The following CDH23 variants were observed in gnomAD, a reference collection of about 807,000 sequenced individuals.
CDH23 encodes cadherin-23.
Under a neutral mutation model 317.1 loss-of-function variants are expected in CDH23, and 189 were observed. The ratio of observed to expected loss-of-function variants is 0.60; its 90% CI spans 0.53 to 0.67. The LOEUF (loss-of-function observed/expected upper bound fraction) is 0.67. Ranked by LOEUF, CDH23 falls within the 30% of genes least tolerant of loss-of-function variation. CDH23 has a pLI of 0.00. For missense variants in CDH23, 4,401 were observed against 4,592.4 expected, an observed-to-expected ratio of 0.96 and a Z score of 1.20; for synonymous variants, 1,839 against 1,876.8, an observed-to-expected ratio of 0.98 and a Z score of 0.52.
intron 11 of CDH23, among the ~76,000 whole-genome samples, chr10:71,628,310 G>A (rs1440613634): frequency 1.3e-5 from 2 of 152,188 alleles, no homozygotes; most frequent in African/African-American, 4.8e-5. Flanking sequence ...TCCCCCGAAA[G>A]GGGAGAATAG....
intron 38 of CDH23, among the ~76,000 whole-genome samples, chr10:71,768,425 C>T (rs1425372350): frequency 1.3e-5 from 2 of 152,174 alleles, no homozygotes; most frequent in Non-Finnish European, 1.5e-5. Flanking sequence ...CCCGCCTCGT[C>T]CTCCCCAAGT....
intron 6 of CDH23, among the ~76,000 whole-genome samples, chr10:71,555,650 T>C (rs113461427): frequency 5.9e-5 from 9 of 152,280 alleles, no homozygotes; most frequent in African/African-American, 2.2e-4. Flanking sequence ...CTGGGGGATC[T>C]CCAAATTCTA....
intron 3 of CDH23, among the ~76,000 whole-genome samples, chr10:71,462,123 CT>C (rs1307102421): frequency 3.3e-5 from 5 of 152,214 alleles, no homozygotes; most frequent in Admixed American, 3.3e-4. Flanking sequence ...TCAGCTGGGG[CT>C]TATCATCGGA....
chr10:71,805,377 G>C (rs986507086), intron 55 of CDH23, among the ~76,000 whole-genome samples: 1 of 152,184 alleles, frequency 6.6e-6, no homozygotes, highest in Non-Finnish European at 1.5e-5. Context: ...GTTGTTTGGG[G>C]ACACCCAGAA....
chr10:71,449,898 G>A (rs1181953535), intron 3 of CDH23, among the ~76,000 whole-genome samples: 2 of 152,214 alleles, frequency 1.3e-5, no homozygotes, highest in Non-Finnish European at 2.9e-5. Context: ...ACCTATCTCA[G>A]GCTCCAGTTC....
chr10:71,558,172 T>C (rs1589205133), intron 6 of CDH23, among the ~76,000 whole-genome samples: 1 of 152,196 alleles, frequency 6.6e-6, no homozygotes, highest in South Asian at 2.1e-4. Flanking sequence ...TAATTTTTTG[T>C]ATTTTTAGTA....
chr10:71,779,725 G>A (rs1489758089), intron 41 of CDH23, among the ~76,000 whole-genome samples: 1 of 152,208 alleles, frequency 6.6e-6, no homozygotes, highest in Non-Finnish European at 1.5e-5. Flanking sequence ...ATGCCCTGTT[G>A]CATACCCAGA....
At chr10:71,494,178 G>A (rs1277205130) in intron 3 of CDH23, among the ~76,000 whole-genome samples, 1 of 152,170 alleles carries the variant, frequency 6.6e-6, no homozygotes. Context: ...CATCATAACT[G>A]TGTGTAAAGT....
rs192331202 is a variant in CDH23 at position 71,695,226 on chromosome 10, T to A, written c.2290-192T>A. Among the ~76,000 whole-genome samples, 1,588 of 152,306 alleles carry A rather than the reference T, an allele frequency of 0.01. 18 individuals carry two copies. The highest frequency in any genetic ancestry group is 0.017 in the Non-Finnish European group (1,172 of 68,016). On this transcript the variant is annotated intron_variant, in intron 21 of 69. Transcript: ENST00000224721. ...TCCTGATGGGACAACACTGGAACTC[T>A]CTCTCCTGAAGCGGCCTGGCTCCTT...
rs577481161 is a variant in CDH23, at chr10:71,405,983, A to G, written c.-6+8665A>G. Among the ~76,000 whole-genome samples, 357 of 151,768 alleles carry G rather than the reference A, an allele frequency of 2.4e-3. 1 individual carries two copies. Among genetic ancestry groups the G allele is most frequent in the African/African-American group, 8.3e-3 (345 of 41,360 alleles). On this transcript the variant is annotated intron_variant, in intron 1 of 69. Coordinates refer to ENST00000224721, the MANE Select transcript of CDH23 (RefSeq NM_022124.6). ...CCACATGTGCAGTTTTAAATTTTCTAGTGTCCACTTGGAAAAAGTTAAAAA... is the reference window on the plus strand; with the variant it reads ...CCACATGTGCAGTTTTAAATTTTCTGGTGTCCACTTGGAAAAAGTTAAAAA...
chr10:71,528,502 G>A (rs1055024583), intron 6 of CDH23, among the ~76,000 whole-genome samples: 4 of 152,336 alleles, frequency 2.6e-5, no homozygotes, highest in African/African-American at 7.2e-5. Flanking sequence ...CCTTGCAGCC[G>A]GCCTGCGGCA....
intron 33 of CDH23, 23 bp from the exon 34 acceptor site, chr10:71,734,633 C>T: frequency 4.0e-6 from 6 of 1,512,322 alleles, no homozygotes; most frequent in Non-Finnish European, 4.5e-6. Flanking sequence ...TCACTCCCCT[C>T]CTGCTGCTGC....
At chr10:71,406,393 A>C (rs761497212) in intron 1 of CDH23, among the ~76,000 whole-genome samples, 2 of 152,168 alleles carry the variant, frequency 1.3e-5, no homozygotes, top group African/African-American at 4.8e-5. Flanking sequence ...CTCTGGGGGC[A>C]GAAGCCCTGG....
At position 71,577,938 on chromosome 10, in the gene CDH23, G is replaced by A. The variant is rs373294595; in HGVS notation, c.778G>A (p.Ala260Thr). ...PPGTTVRIITAIDQDKGRPRG... is the reference protein window; with the variant it reads ...PPGTTVRIITTIDQDKGRPRG... ...GGGCACGACGGTGCGCATCATCACC[G>A]CCATAGACCAGGATAAAGGACGTCC... The change falls in exon 9 of 70, where the codon GCC (alanine) becomes ACC (threonine). Residue 260 changes from alanine (A) to threonine (T), a missense_variant. Transcript: ENST00000224721. The A allele has an allele frequency of 1.4e-5, 23 of 1,604,538 alleles. No individual in the cohort carries two copies. The highest frequency in any genetic ancestry group is 8.0e-5 in the African/African-American group (6 of 74,872).
At chr10:71,557,992 T>C (rs1589204716) in intron 6 of CDH23, among the ~76,000 whole-genome samples, 1 of 94,150 alleles carries the variant, frequency 1.1e-5, no homozygotes, top group East Asian at 3.7e-4. Context: ...CTCTTTTTTT[T>C]AACTTATTTA....
intron 9 of CDH23, among the ~76,000 whole-genome samples, chr10:71,614,265 A>G (rs1358104206): frequency 6.6e-6 from 1 of 152,252 alleles, no homozygotes; most frequent in African/African-American, 2.4e-5. Flanking sequence ...TGACATCTGC[A>G]TGCCCAACAA....
chr10:71,645,888 A>G lies in CDH23; in HGVS notation c.1198A>G (p.Ile400Val). ...GGGGAACAACTCCCACCACTTCATC[A>G]TCTCCCCGACCTCCGTCCAGGGGAA... ...LVGNNSHHFI[I>V]SPTSVQGKAD... is the part of the protein sequence containing the mutation. Residue 400 changes from isoleucine to valine, a missense_variant, in exon 13 of 70, where the codon ATC becomes GTC. This residue lies in a region of CDH23 where 3,068 missense variants were observed against 3,203.3 expected (regional missense o/e 0.96). Coordinates refer to ENST00000224721, the MANE Select transcript of CDH23 (RefSeq NM_022124.6). The G allele has an allele frequency of 1.2e-6, 2 of 1,613,534 alleles. No homozygotes were observed. The highest frequency in any genetic ancestry group is 1.7e-6 in the Non-Finnish European group (2 of 1,179,572).
intron 69 of CDH23, among the ~76,000 whole-genome samples, chr10:71,814,249 C>T (rs1212775279): frequency 1.3e-5 from 2 of 152,208 alleles, no homozygotes; most frequent in East Asian, 1.9e-4. Context: ...AAAGTTAATA[C>T]ATAAAATTAA....
Position 71,702,712 on chromosome 10 carries a change from C to T in CDH23, c.2733+18C>T. ...TCTACCAAGTGAGTCTCTATCATCT[C>T]ATTCCTACCAGCCCAGAGGTGGGCA... On this transcript the variant is annotated intron_variant, in intron 24 of 69. Coordinates refer to ENST00000224721, the MANE Select transcript of CDH23 (RefSeq NM_022124.6). 6.2e-7 allele frequency: 1 copy of T among 1,613,326 alleles called. No homozygotes were observed. Among genetic ancestry groups the T allele is most frequent in the Non-Finnish European group, 8.5e-7 (1 of 1,179,832 alleles).
Sources: allele counts gnomAD v4.1 joint callset (sites outside exome capture counted in the v4.1 genomes callset), GRCh38; gene constraint gnomAD v4.1.1; regional missense constraint gnomAD v4.1.1; transcripts MANE v1.5; gene names NCBI Gene and HGNC (gene_info 2026-07-23, HGNC 2026-07-21).